IGF1R: variants seen among roughly 807,000 people sequenced by gnomAD.
The protein encoded by IGF1R is insulin-like growth factor 1 receptor.
Under a neutral mutation model 144.6 loss-of-function variants are expected in IGF1R, and 44 were observed. The observed-to-expected ratio is 0.30, with a 90% CI of 0.24 to 0.39. The LOEUF is 0.39. Ranked by LOEUF, IGF1R falls within the 10% of genes least tolerant of loss-of-function variation. The probability of loss-of-function intolerance (pLI) is 1.00; values close to 1 mark genes in which losing one functional copy is unlikely to be tolerated. For synonymous variants in IGF1R, 795 were observed against 722.8 expected, an observed-to-expected ratio of 1.10 and a Z score of -1.60; for missense variants, 1,355 against 1,833.7, an observed-to-expected ratio of 0.74 and a Z score of 4.77.
chr15:98,691,843 G>A (rs988463487), intron 1 of IGF1R, among the ~76,000 whole-genome samples: 1 of 152,170 alleles, frequency 6.6e-6, no homozygotes, highest in African/African-American at 2.4e-5. Context: ...TGACATGAGG[G>A]TTGGATCTCT....
At chr15:98,765,307 C>CTTTTTTTTTTTTTTTTT (rs2055408113) in intron 2 of IGF1R, among the ~76,000 whole-genome samples, 2 of 116,092 alleles carry the variant, frequency 1.7e-5, no homozygotes, top group Non-Finnish European at 3.5e-5. Flanking sequence ...CATGCCAACA[C>CTTTTTTTTTTTTTTTTT]CTTTTTTTTT....
At chr15:98,753,244 A>G (rs569381766) in intron 2 of IGF1R, among the ~76,000 whole-genome samples, 2 of 122,588 alleles carry the variant, frequency 1.6e-5, no homozygotes, top group African/African-American at 5.6e-5. Context: ...TTTTTTTTTT[A>G]AATAAAGAGG....
At chr15:98,880,902 GAAC>G (rs1317409426) in intron 2 of IGF1R, 2 of 152,172 alleles carry the variant, frequency 1.3e-5, no homozygotes, top group African/African-American at 4.8e-5. Flanking sequence ...TCAGGAGACA[GAAC>G]AACAAGACCC....
intron 1 of IGF1R, among the ~76,000 whole-genome samples, chr15:98,674,073 A>T (rs990125315): frequency 1.3e-5 from 2 of 152,228 alleles, no homozygotes; most frequent in Admixed American, 6.5e-5. Flanking sequence ...GTTCTAGAGA[A>T]TCTGTGTCTT....
In IGF1R at chr15:98,957,597, A is replaced by C; in HGVS notation, c.*155A>C. The C allele has an allele frequency of 1.2e-6, 1 of 857,004 alleles. No homozygotes were observed. The highest frequency in any genetic ancestry group is 1.8e-6 in the Non-Finnish European group (1 of 540,974). The allele number at this position is 857,004 out of a possible 1,614,324, so 53.1% of individuals were successfully genotyped here. ...TGCCCGCGGGAGACAGCTTCTCTGC[A>C]GTAAAACACATTTGGGATGTTCCTT... On this transcript the variant is annotated 3_prime_UTR_variant, in exon 21 of 21. Coordinates refer to ENST00000650285, the MANE Select transcript of IGF1R (RefSeq NM_000875.5).
chr15:98,886,162 T>TA (rs549066338), intron 2 of IGF1R, among the ~76,000 whole-genome samples: 47 of 149,356 alleles, frequency 3.1e-4, no homozygotes, highest in South Asian at 4.2e-4. Flanking sequence ...AATGATTATT[T>TA]AAAAAAAAAA....
chr15:98,649,365 G>A lies in IGF1R; in HGVS notation c.-217G>A. The A allele has an allele frequency of 4.0e-6, 1 of 248,290 alleles. No homozygotes were observed. Among genetic ancestry groups the A allele is most frequent in the Non-Finnish European group, 7.6e-6 (1 of 132,270 alleles). 15.4% of individuals were successfully genotyped at this position (248,290 alleles called of 1,614,324 possible). ...CGAGCCCTGGGCCGCTGCTGCCGGC[G>A]CTGAGGGGCCGCCCCGCGCCGCCCG... is the stretch of plus-strand genomic sequence containing the variant. On this transcript the variant is annotated 5_prime_UTR_variant, in exon 1 of 21. Coordinates refer to ENST00000650285, the MANE Select transcript of IGF1R (RefSeq NM_000875.5).
intron 4 of IGF1R, chr15:98,897,147 A>C: frequency 1.9e-6 from 1 of 528,170 alleles, no homozygotes; most frequent in East Asian, 3.3e-5. Flanking sequence ...GTCATCGCTC[A>C]TCTTTTTGTT....
intron 2 of IGF1R, among the ~76,000 whole-genome samples, chr15:98,807,500 A>G (rs763767444): frequency 7.2e-5 from 11 of 152,192 alleles, no homozygotes; most frequent in Admixed American, 6.5e-5. Context: ...GACTCCTGGC[A>G]TAGTTTTAGG....
intron 13 of IGF1R, among the ~76,000 whole-genome samples, chr15:98,928,910 C>T (rs1032782960): frequency 6.6e-6 from 1 of 152,060 alleles, no homozygotes; most frequent in South Asian, 2.1e-4. Flanking sequence ...CCAGTGTGTG[C>T]ATGTGTGTGT....
At chr15:98,693,584 T>A (rs1004734196) in intron 1 of IGF1R, among the ~76,000 whole-genome samples, 2 of 152,178 alleles carry the variant, frequency 1.3e-5, no homozygotes, top group Non-Finnish European at 2.9e-5. Context: ...GGGATGTTTT[T>A]GTTCCCTGAT....
chr15:98,731,928 T>C (rs2054505185), intron 2 of IGF1R, among the ~76,000 whole-genome samples: 1 of 152,184 alleles, frequency 6.6e-6, no homozygotes, highest in Admixed American at 6.5e-5. Context: ...CTTGGCCAAG[T>C]GTGTAGCTTG....
rs2017121698 is a variant in IGF1R, at chr15:98,959,001, C to T, written c.*1559C>T. 1 of 233,192 alleles carries T rather than the reference C, an allele frequency of 4.3e-6. No individual in the cohort carries two copies. 14.4% of individuals were successfully genotyped at this position (233,192 alleles called of 1,614,324 possible). A position where few individuals can be genotyped will look rare whatever the true frequency, so the allele number is the denominator to read the frequency against. ...GCAGAAAGCAGGCCGGGCACCCATC[C>T]TGAGAGGGCCGCGCTCCTCTCCCCA... On this transcript the variant is annotated 3_prime_UTR_variant, in exon 21 of 21. Coordinates refer to ENST00000650285, the MANE Select transcript of IGF1R (RefSeq NM_000875.5).
intron 1 of IGF1R, chr15:98,651,176 C>A: frequency 1.8e-6 from 1 of 546,978 alleles, no homozygotes; most frequent in Non-Finnish European, 2.3e-6. Context: ...AAGGAGGAGG[C>A]AGCGGAGGTT....
At chr15:98,908,650 G>C in intron 5 of IGF1R, 35 bp from the exon 6 acceptor site, 1 of 1,567,536 alleles carries the variant, frequency 6.4e-7, no homozygotes, top group Admixed American at 1.7e-5. Context: ...TGTGGCCAAG[G>C]GCAGGTGCGC....
Position 98,891,558 on chromosome 15 carries a change from G to T in IGF1R, c.874G>T (p.Asp292Tyr). 6.2e-7 allele frequency: 1 copy of T among 1,609,634 alleles called. No individual in the cohort carries two copies. Among genetic ancestry groups the T allele is most frequent in the Non-Finnish European group, 8.5e-7 (1 of 1,180,000 alleles). The change falls in exon 3 of 21, where the codon GAC (aspartate) becomes TAC (tyrosine). Residue 292 changes from aspartate (D) to tyrosine (Y), a missense_variant. Physicochemically the swap from Asp to Tyr is radical, Grantham distance 160. This residue lies in a region of IGF1R where 880 missense variants were observed against 1,202.7 expected (regional missense o/e 0.73). Transcript: ENST00000650285. This position sits in a 1 kb window ranked among gnomAD's most constrained non-coding sequence, Gnocchi z 4.7. ...CAACATCCTCAGCGCCGAGAGCAGC[G>T]ACTCCGAGGGGTTTGTGATCCACGA... ...CANILSAESS[D>Y]SEGFVIHDGE...
At chr15:98,760,812 C>A (rs185274259) in intron 2 of IGF1R, among the ~76,000 whole-genome samples, 7 of 152,304 alleles carry the variant, frequency 4.6e-5, no homozygotes, top group Non-Finnish European at 8.8e-5. Flanking sequence ...TGTAAGAAGG[C>A]TTATGTTTTC....
intron 1 of IGF1R, among the ~76,000 whole-genome samples, chr15:98,689,289 G>C (rs1412797272): frequency 6.7e-6 from 1 of 148,270 alleles, no homozygotes; most frequent in Non-Finnish European, 1.5e-5. Flanking sequence ...CCCAGGCTGG[G>C]GTGCAGTGGC....
intron 2 of IGF1R, among the ~76,000 whole-genome samples, chr15:98,714,945 T>G (rs1014684872): frequency 6.6e-6 from 1 of 152,212 alleles, no homozygotes; most frequent in Admixed American, 6.5e-5. Context: ...AGGCTTGCAT[T>G]TTCAGGTGGA....
Sources: gnomAD v4.1 joint callset for allele counts (sites outside exome capture counted in the v4.1 genomes callset) on GRCh38, gnomAD v4.1.1 for gene constraint, gnomAD v4.1.1 regional missense constraint, Gnocchi (gnomAD v3.1) non-coding constraint, MANE v1.5 for transcripts, NCBI Gene and HGNC (gene_info 2026-07-23, HGNC 2026-07-21) for gene names.